Variants in CDCA2 observed in about 807,000 individuals in gnomAD.
The protein encoded by CDCA2 is cell division cycle-associated protein 2.
CDCA2 carries 44 observed loss-of-function variants against 67.0 expected under a neutral mutation model. The observed-to-expected ratio is 0.66, with a 90% CI of 0.52 to 0.84. The LOEUF (loss-of-function observed/expected upper bound fraction) is 0.84, where lower values mean the gene tolerates loss of function less well. Among genes scored for constraint, CDCA2 ranks in the 40% least tolerant of loss-of-function variants. The pLI, the probability that CDCA2 is intolerant of heterozygous loss-of-function variation, is 0.00. For missense variants in CDCA2, 1,253 were observed against 1,203.2 expected (o/e 1.04, Z -0.61); for synonymous variants, 447 against 418.7 (o/e 1.07, Z -0.82).
rs59618544 is a variant in CDCA2, at chr8:25,467,041, C to CAAAAAAAA, written c.538+734_538+741dup. ...TGGGCGAAGAAGTGAGAGTCCCTTT[C>CAAAAAAAA]AAAAAAAAAAAAAAAAAAAAAAAAA... On this transcript the variant is annotated intron_variant, in intron 5 of 14. Coordinates refer to ENST00000330560, the MANE Select transcript of CDCA2 (RefSeq NM_152562.4). Among the ~76,000 whole-genome samples the CAAAAAAAA allele has an allele frequency of 1.5e-3, 75 of 49,148 alleles. 7 individuals carry two copies. The highest frequency in any genetic ancestry group is 2.0e-3 in the Non-Finnish European group (62 of 31,192). The allele number at this position is 49,148 out of a possible 152,430, so 32.2% of individuals were successfully genotyped here.
intron 9 of CDCA2, 136 bp from the exon 10 acceptor site, chr8:25,483,830 T>C (rs1799302585): frequency 2.6e-6 from 2 of 781,532 alleles, no homozygotes; most frequent in Admixed American, 6.0e-5. Flanking sequence ...CCAACAATTA[T>C]TTTATAGCTT....
chr8:25,479,921 G>A lies in CDCA2; in HGVS notation c.829G>A (p.Val277Ile). Residue 277 changes from valine to isoleucine, a missense_variant, in exon 8 of 15, where the codon GTT becomes ATT. Transcript: ENST00000330560. ...ACATGTTTATCTTGAAGCACTAAAGGTTGCTGACTGTGTAGTGGGCAAAGG... is the reference window on the plus strand; with the variant it reads ...ACATGTTTATCTTGAAGCACTAAAGATTGCTGACTGTGTAGTGGGCAAAGG... The part of the protein sequence containing the change: ...ELTETSNALK[V>I]ADCVVGKGSS... 1 of 1,614,130 alleles carries A rather than the reference G, an allele frequency of 6.2e-7. No individual in the cohort carries two copies. Among genetic ancestry groups the A allele is most frequent in the Non-Finnish European group, 8.5e-7 (1 of 1,180,006 alleles).
rs1042836377 is a variant in CDCA2, at chr8:25,506,603, A to T, written c.1937A>T (p.His646Leu). The T allele has an allele frequency of 1.2e-6, 2 of 1,610,588 alleles. No homozygotes were observed. The highest frequency in any genetic ancestry group is 1.7e-6 in the Non-Finnish European group (2 of 1,179,218). The change falls in exon 15 of 15, where the codon CAT (histidine) becomes CTT (leucine). Residue 646 changes from histidine (H) to leucine (L), a missense_variant. His to Leu is a moderately conservative substitution (Grantham distance 99). Transcript: ENST00000330560. Reference protein sequence around the residue: ...KDLLRHDPDLHMHQGYDKYDV... With the variant: ...KDLLRHDPDLLMHQGYDKYDV... The stretch of plus-strand genomic sequence containing the variant: ...CTTTTGCGTCATGACCCAGATTTGC[A>T]TATGCATCAAGGCTATGATAAATAT...
rs1802585013 is a variant in CDCA2, at chr8:25,459,452, G to C, written c.-22G>C. The stretch of plus-strand genomic sequence containing the variant: ...GGGAGTAAGCCTGTCTGCCTGGCGG[G>C]CCTTCAGGTGCGGCGTGAGAGGTAG... On this transcript the variant is annotated 5_prime_UTR_variant, in exon 1 of 15. Transcript: ENST00000330560. 6.6e-6 allele frequency: 1 copy of C among 152,364 alleles called. No individual in the cohort carries two copies. The highest frequency in any genetic ancestry group is 2.1e-4 in the South Asian group (1 of 4,834). 9.4% of individuals were successfully genotyped at this position (152,364 alleles called of 1,614,324 possible).
rs889658431 is a variant in CDCA2 at position 25,507,784 on chromosome 8, T to A, written c.*46T>A. ...TGTGGCAAGAGGGAAAGTAACCATC[T>A]ATGCTGAAATGATCTGTCTAGTTCC... On this transcript the variant is annotated 3_prime_UTR_variant, in exon 15 of 15. Coordinates refer to ENST00000330560, the MANE Select transcript of CDCA2 (RefSeq NM_152562.4). 14 of 1,553,552 alleles carry A rather than the reference T, an allele frequency of 9.0e-6. No homozygotes were observed. The highest frequency in any genetic ancestry group is 1.8e-4 in the Middle Eastern group (1 of 5,494).
rs2117561795 is a variant in CDCA2 at position 25,507,381 on chromosome 8, T to C, written c.2715T>C (p.Leu905=). 1.2e-6 allele frequency: 2 copies of C among 1,613,818 alleles called. No individual in the cohort carries two copies. Among genetic ancestry groups the C allele is most frequent in the Non-Finnish European group, 8.5e-7 (1 of 1,179,968 alleles). Reference sequence around the variant, plus strand: ...AGAAGGATTTAGAAAACGAAGGTCTTGTATGGATTTCACTTCCACTTCCTT... The same window carrying C: ...AGAAGGATTTAGAAAACGAAGGTCTCGTATGGATTTCACTTCCACTTCCTT... The part of the protein sequence containing the change: ...RLQKDLENEG[L]VWISLPLPST... The change falls in exon 15 of 15, where the codon CTT becomes CTC. Residue 905 remains leucine (L), a synonymous_variant. Coordinates refer to ENST00000330560, the MANE Select transcript of CDCA2 (RefSeq NM_152562.4).
intron 7 of CDCA2, among the ~76,000 whole-genome samples, chr8:25,471,479 G>A (rs1025227698): frequency 6.6e-6 from 1 of 151,750 alleles, no homozygotes; most frequent in Admixed American, 6.6e-5. Flanking sequence ...TATCTGCCTC[G>A]GCCTCCCAAG....
intron 8 of CDCA2, 33 bp from the exon 9 acceptor site, chr8:25,483,366 G>A (rs768018783): frequency 7.1e-7 from 1 of 1,407,848 alleles, no homozygotes; most frequent in Non-Finnish European, 9.7e-7. Context: ...ATTTCTATAT[G>A]TAAAATTATT....
chr8:25,495,663 G>A (rs7839060), intron 13 of CDCA2, among the ~76,000 whole-genome samples: 7 of 151,998 alleles, frequency 4.6e-5, no homozygotes, highest in Non-Finnish European at 8.8e-5. Context: ...CTCGTGATCC[G>A]CCCACCTCGG....
intron 13 of CDCA2, among the ~76,000 whole-genome samples, chr8:25,502,800 G>C (rs1388608211): frequency 6.6e-6 from 1 of 152,086 alleles, no homozygotes; most frequent in African/African-American, 2.4e-5. Flanking sequence ...GTTTTGGCAA[G>C]TGCCTTGTGG....
At chr8:25,503,224 A>T in intron 13 of CDCA2, 149 bp from the exon 14 acceptor site, 5 of 621,632 alleles carry the variant, frequency 8.0e-6, no homozygotes. Flanking sequence ...CAGAAGTTGC[A>T]GTGAGCTGAG....
intron 13 of CDCA2, among the ~76,000 whole-genome samples, chr8:25,498,053 T>A (rs1385889038): frequency 1.3e-5 from 2 of 152,084 alleles, no homozygotes; most frequent in Non-Finnish European, 2.9e-5. Context: ...CTAAAAGACA[T>A]GAATCAAATG....
At chr8:25,488,808 C>A (rs976760712) in intron 13 of CDCA2, 119 bp downstream of exon 13, 1 of 1,007,990 alleles carries the variant, frequency 9.9e-7, no homozygotes, top group African/African-American at 1.7e-5. Context: ...ATTATTAATG[C>A]AATCTTACCG....
chr8:25,459,714 T>C (rs911868525), intron 1 of CDCA2, among the ~76,000 whole-genome samples: 3 of 152,226 alleles, frequency 2.0e-5, no homozygotes, highest in African/African-American at 7.2e-5. Flanking sequence ...CTTTGGGGTC[T>C]GCTTTGGTGC....
At chr8:25,474,689 T>G (rs945399021) in intron 7 of CDCA2, among the ~76,000 whole-genome samples, 1 of 152,150 alleles carries the variant, frequency 6.6e-6, no homozygotes, top group Non-Finnish European at 1.5e-5. Flanking sequence ...GCTCTCTGGG[T>G]TCTGTGATTG....
intron 13 of CDCA2, among the ~76,000 whole-genome samples, chr8:25,503,107 T>C (rs142733999): frequency 6.6e-6 from 1 of 151,672 alleles, no homozygotes; most frequent in East Asian, 1.9e-4. Context: ...CGTGGTGAGA[T>C]CCCATCTCCA....
chr8:25,493,966 G>T (rs1804108518), intron 13 of CDCA2, among the ~76,000 whole-genome samples: 1 of 152,206 alleles, frequency 6.6e-6, no homozygotes, highest in African/African-American at 2.4e-5. Flanking sequence ...AGCATTCTTT[G>T]TAAAGCAAAA....
chr8:25,496,222 C>A (rs1233090237), intron 13 of CDCA2, among the ~76,000 whole-genome samples: 1 of 152,184 alleles, frequency 6.6e-6, no homozygotes, highest in Non-Finnish European at 1.5e-5. Flanking sequence ...CAGATATGAT[C>A]ATCAGCATTG....
intron 14 of CDCA2, among the ~76,000 whole-genome samples, chr8:25,504,705 T>G (rs1265600594): frequency 6.6e-6 from 1 of 152,096 alleles, no homozygotes; most frequent in African/African-American, 2.4e-5. Flanking sequence ...CTGCCATGCT[T>G]TCTCACAGGC....
Sources: gnomAD v4.1 joint callset for allele counts (sites outside exome capture counted in the v4.1 genomes callset) on GRCh38, gnomAD v4.1.1 for gene constraint, MANE v1.5 for transcripts, NCBI Gene and HGNC (gene_info 2026-07-23, HGNC 2026-07-21) for gene names.